Variants in SPAG16 observed in about 807,000 individuals in gnomAD.
SPAG16 encodes sperm associated antigen 16.
Under a neutral mutation model 80.4 loss-of-function variants are expected in SPAG16, and 86 were observed. That is an observed-to-expected ratio of 1.07 (90% CI 0.90 to 1.28). The LOEUF (loss-of-function observed/expected upper bound fraction) is 1.28. Among genes scored for constraint, SPAG16 ranks in the 50% most tolerant of loss-of-function variants. SPAG16 has a pLI of 0.00. For synonymous variants in SPAG16, 294 were observed against 265.9 expected (o/e 1.11, Z -1.03); for missense variants, 870 against 765.3 (o/e 1.14, Z -1.61).
At chr2:213,806,024 T>C (rs2071746423) in intron 10 of SPAG16, among the ~76,000 whole-genome samples, 1 of 142,222 alleles carries the variant, frequency 7.0e-6, no homozygotes. Flanking sequence ...ATGTAGCATA[T>C]ATGGATAAAA....
intron 10 of SPAG16, among the ~76,000 whole-genome samples, chr2:213,799,936 T>C (rs1379775329): frequency 6.9e-6 from 1 of 145,920 alleles, no homozygotes; most frequent in Non-Finnish European, 1.5e-5. Context: ...TCTACCCAAA[T>C]GCCCATCAGT....
intron 9 of SPAG16, among the ~76,000 whole-genome samples, chr2:213,467,666 G>A (rs1219433583): frequency 6.6e-6 from 1 of 152,162 alleles, no homozygotes; most frequent in Non-Finnish European, 1.5e-5. Context: ...CTCCTGAATG[G>A]CAATGACATT....
At chr2:213,585,205 G>A (rs1459049904) in intron 10 of SPAG16, among the ~76,000 whole-genome samples, 12 of 147,456 alleles carry the variant, frequency 8.1e-5, no homozygotes, top group South Asian at 2.1e-4. Context: ...AAAAAAAAAA[G>A]TCTTGAATAT....
intron 10 of SPAG16, 48 bp from the exon 11 acceptor site, chr2:213,862,437 C>A: frequency 6.3e-7 from 1 of 1,591,874 alleles, no homozygotes; most frequent in Non-Finnish European, 8.6e-7. Flanking sequence ...ATTCTGAAAA[C>A]ATTTGCTATT....
chr2:214,212,239 A>G (rs2058313793), intron 15 of SPAG16, among the ~76,000 whole-genome samples: 1 of 151,846 alleles, frequency 6.6e-6, no homozygotes, highest in African/African-American at 2.4e-5. Context: ...AGACATGGCA[A>G]GCTTTCCCTG....
intron 1 of SPAG16, among the ~76,000 whole-genome samples, chr2:213,292,261 G>A (rs1294490295): frequency 6.6e-5 from 10 of 152,236 alleles, no homozygotes; most frequent in East Asian, 1.9e-4. Context: ...ACAAATGACC[G>A]CTTACAAAAT....
chr2:213,937,548 C>T (rs970658719), intron 12 of SPAG16, among the ~76,000 whole-genome samples: 1 of 151,888 alleles, frequency 6.6e-6, no homozygotes, highest in African/African-American at 2.4e-5. Context: ...ATTGTTTCCC[C>T]TTGACATATG....
intron 4 of SPAG16, among the ~76,000 whole-genome samples, chr2:213,314,011 A>T (rs750716894): frequency 6.6e-6 from 1 of 151,856 alleles, no homozygotes; most frequent in Non-Finnish European, 1.5e-5. Flanking sequence ...TGCCACCATG[A>T]GGGAAAAATA....
chr2:213,722,445 C>T (rs1383919025), intron 10 of SPAG16, among the ~76,000 whole-genome samples: 1 of 152,070 alleles, frequency 6.6e-6, no homozygotes, highest in Non-Finnish European at 1.5e-5. Context: ...GCTTCTTTAA[C>T]TGTAAAATTT....
intron 15 of SPAG16, among the ~76,000 whole-genome samples, chr2:214,323,720 T>C (rs67801275): frequency 0.21 from 32,699 of 152,152 alleles, 3,611 homozygotes; most frequent in East Asian, 0.34. Context: ...ACTAAACTAA[T>C]AAACAAAATT....
chr2:213,953,459 T>G (rs1444686996), intron 12 of SPAG16, among the ~76,000 whole-genome samples: 1 of 151,670 alleles, frequency 6.6e-6, no homozygotes, highest in Non-Finnish European at 1.5e-5. Flanking sequence ...TAAAGAAACA[T>G]TTAGGTCTTG....
intron 10 of SPAG16, among the ~76,000 whole-genome samples, chr2:213,634,551 G>A (rs905193669): frequency 6.6e-6 from 1 of 151,948 alleles, no homozygotes; most frequent in Non-Finnish European, 1.5e-5. Context: ...ATTGCTTGTT[G>A]GTGTCCCTTT....
At chr2:213,795,787 C>G (rs2070987671) in intron 10 of SPAG16, among the ~76,000 whole-genome samples, 1 of 152,194 alleles carries the variant, frequency 6.6e-6, no homozygotes, top group African/African-American at 2.4e-5. Flanking sequence ...CTTGCTCCTA[C>G]TCTAGCCACA....
intron 10 of SPAG16, among the ~76,000 whole-genome samples, chr2:213,609,994 G>C (rs1311042640): frequency 6.6e-6 from 1 of 151,858 alleles, no homozygotes; most frequent in Non-Finnish European, 1.5e-5. Context: ...GTTGGCTAAG[G>C]CTCCTGGCTG....
chr2:213,357,829 T>C, intron 7 of SPAG16, among the ~76,000 whole-genome samples: 1 of 152,226 alleles, frequency 6.6e-6, no homozygotes, highest in East Asian at 1.9e-4. Flanking sequence ...TGCCCATTAA[T>C]TGATGCAGTT....
chr2:213,543,998 C>T (rs1173909545), intron 10 of SPAG16, among the ~76,000 whole-genome samples: 2 of 151,974 alleles, frequency 1.3e-5, no homozygotes, highest in Admixed American at 6.6e-5. Context: ...CAATGAAAGT[C>T]TTGTGCATGC....
chr2:214,178,361 T>C (rs2057198504), intron 15 of SPAG16, among the ~76,000 whole-genome samples: 1 of 151,042 alleles, frequency 6.6e-6, no homozygotes. Flanking sequence ...GGGTAATCAA[T>C]GTGAAAAACT....
intron 10 of SPAG16, among the ~76,000 whole-genome samples, chr2:213,696,161 TTTTG>T (rs1004678231): frequency 2.6e-4 from 39 of 152,274 alleles, no homozygotes; most frequent in Admixed American, 3.3e-4. Context: ...TCCTAGTGTT[TTTTG>T]TTTGTTTGTT....
At chr2:213,791,609 A>G (rs544609112) in intron 10 of SPAG16, among the ~76,000 whole-genome samples, 1 of 152,274 alleles carries the variant, frequency 6.6e-6, no homozygotes, top group Non-Finnish European at 1.5e-5. Context: ...ATGGGAGAAG[A>G]AATGTGTGCA....
Sources: gnomAD v4.1 joint callset for allele counts (sites outside exome capture counted in the v4.1 genomes callset) on GRCh38, gnomAD v4.1.1 for gene constraint, MANE v1.5 for transcripts, NCBI Gene and HGNC (gene_info 2026-07-23, HGNC 2026-07-21) for gene names.